Variants in MUC6 observed in about 807,000 individuals in gnomAD.
MUC6 encodes mucin-6.
In MUC6, 188 loss-of-function variants were observed where a neutral mutation model predicts 201.5. The observed-to-expected ratio is 0.93, with a 90% confidence interval of 0.83 to 1.05. The LOEUF is 1.05. Ranked by LOEUF, MUC6 falls within the 50% of genes least tolerant of loss-of-function variation. MUC6 has a pLI of 0.00. For missense variants in MUC6, 2,706 were observed against 3,256.9 expected (o/e 0.83, Z 4.12); for synonymous variants, 1,228 against 1,389.4 (o/e 0.88, Z 2.58).
At position 1,026,009 on chromosome 11, in the gene MUC6, GATGT is replaced by G. The variant is rs1564840880; in HGVS notation, c.2675_2678del (p.Tyr892SerfsTer19). On this transcript the variant is annotated frameshift_variant, in exon 21 of 33. Coordinates refer to ENST00000421673, the MANE Select transcript of MUC6 (RefSeq NM_005961.3). LOFTEE classifies it high-confidence loss of function. ...GGCACCCGATGGTTACCGTGGCCAG[GATGT>G]ACTCGCAGTTGCCGTCGAATACGAA... 6.3e-7 allele frequency: 1 copy of G among 1,587,854 alleles called. No homozygotes were observed. Among genetic ancestry groups the G allele is most frequent in the South Asian group, 1.1e-5 (1 of 87,512 alleles).
Position 1,028,007 on chromosome 11 carries a change from G to A in MUC6, c.1806C>T (p.Phe602=), listed in dbSNP as rs376314586. 6.3e-5 allele frequency: 100 copies of A among 1,587,220 alleles called. No individual in the cohort carries two copies. The African/African-American group carries it at 1.0e-3, about 17-fold the overall frequency. The change falls in exon 15 of 33, where the codon TTC becomes TTT. Residue 602 remains phenylalanine, a synonymous_variant. Coordinates refer to ENST00000421673, the MANE Select transcript of MUC6 (RefSeq NM_005961.3). ...CSMLLRTGTV[F]ERCHATVNPA... is the part of the protein sequence containing the mutation. ...GGTTCACTGTGGCGTGGCACCTCTC[G>A]AACACCGTGCCTGTCCTCAGCAGCA...
At chr11:1,030,124 G>A (rs1388856902) in intron 8 of MUC6, 89 bp downstream of exon 8, 3 of 1,421,178 alleles carry the variant, frequency 2.1e-6, no homozygotes, top group Non-Finnish European at 1.9e-6. Context: ...GGGGTGACCT[G>A]GGTCGGGGTG....
chr11:1,036,474 G>A (rs765439510), intron 1 of MUC6, 130 bp downstream of exon 1: 18 of 1,090,880 alleles, frequency 1.7e-5, no homozygotes, highest in Admixed American at 2.5e-5. Flanking sequence ...ACGGAGCCGA[G>A]CTGGGGCCTC....
At chr11:1,021,590 C>G (rs1856809296) in intron 26 of MUC6, among the ~76,000 whole-genome samples, 1 of 152,060 alleles carries the variant, frequency 6.6e-6, no homozygotes, top group Non-Finnish European at 1.5e-5. Flanking sequence ...AGGCTGGTCT[C>G]AAACTCTTGA....
rs1245400764 is a variant in MUC6 at position 1,021,065 on chromosome 11, A to G, written c.3589+150T>C. The G allele has an allele frequency of 1.1e-5, 9 of 816,906 alleles. No individual in the cohort carries two copies. The African/African-American group carries it at 1.6e-4, about 14-fold the overall frequency. 50.6% of individuals were successfully genotyped at this position (816,906 alleles called of 1,614,324 possible). ...GGCTGCCTGAGTCTCTGGAGACCCA[A>G]GGGGCCAGGGTCCTGGAGAGTGGAG... On this transcript the variant is annotated intron_variant, in intron 27 of 32. Coordinates refer to ENST00000421673, the MANE Select transcript of MUC6 (RefSeq NM_005961.3).
chr11:1,030,933 G>T lies in MUC6; in HGVS notation c.684+14C>A. Reference sequence around the variant, plus strand: ...AGACCTGGGGTCAGCCCCACCTGGAGCCCCCTTGCTTACGTGCTGGGCCTG... The same window carrying T: ...AGACCTGGGGTCAGCCCCACCTGGATCCCCCTTGCTTACGTGCTGGGCCTG... On this transcript the variant is annotated intron_variant, in intron 6 of 32. Coordinates refer to ENST00000421673, the MANE Select transcript of MUC6 (RefSeq NM_005961.3). 1 of 1,557,504 alleles carries T rather than the reference G, an allele frequency of 6.4e-7. No homozygotes were observed. Among genetic ancestry groups the T allele is most frequent in the Non-Finnish European group, 8.7e-7 (1 of 1,151,260 alleles).
At chr11:1,032,945 GC>G in intron 2 of MUC6, 67 bp downstream of exon 2, 1 of 1,436,084 alleles carries the variant, frequency 7.0e-7, no homozygotes, top group Non-Finnish European at 9.4e-7. Flanking sequence ...TGGGCTCCGG[GC>G]CCCTCTCTCC....
In MUC6 at chr11:1,018,571, AGG is replaced by A. The variant is rs747636721; in HGVS notation, c.4228_4229del (p.Pro1410TyrfsTer30). On this transcript the variant is annotated frameshift_variant, in exon 31 of 33. Coordinates refer to ENST00000421673, the MANE Select transcript of MUC6 (RefSeq NM_005961.3). LOFTEE classifies it high-confidence loss of function. Reference sequence around the variant, plus strand: ...TGGAAGGGACGGGACTCCCCGCCGTAGGCGGGGAGTGTGTGGTGTGTGGGGTT... The same window carrying A: ...TGGAAGGGACGGGACTCCCCGCCGTACGGGGAGTGTGTGGTGTGTGGGGTT... ...PQTPHTTHSP[P>X]TAGSPVPSTG... 17 of 1,611,382 alleles carry A rather than the reference AGG, an allele frequency of 1.1e-5. No individual in the cohort carries two copies. The highest frequency in any genetic ancestry group is 1.4e-5 in the Non-Finnish European group (17 of 1,178,780).
At chr11:1,020,585 C>G in intron 28 of MUC6, 99 bp downstream of exon 28, 1 of 1,511,876 alleles carries the variant, frequency 6.6e-7, no homozygotes, top group Non-Finnish European at 9.2e-7. Context: ...GTACTGCCTG[C>G]CCCCTCCCTG....
chr11:1,030,208 C>T lies in MUC6; in HGVS notation c.1015+5G>A. 2 of 1,550,844 alleles carry T rather than the reference C, an allele frequency of 1.3e-6. No homozygotes were observed. The highest frequency in any genetic ancestry group is 8.7e-7 in the Non-Finnish European group (1 of 1,148,574). On this transcript the variant is annotated splice_donor_5th_base_variant and intron_variant, in intron 8 of 32. Coordinates refer to ENST00000421673, the MANE Select transcript of MUC6 (RefSeq NM_005961.3). ...GGGAGAGAGAGTGCCTGCGACTGCC[C>T]TCACCTTCCGGGCAGAAGCACCCGA...
At chr11:1,026,820 G>T in intron 19 of MUC6, 121 bp downstream of exon 19, 2 of 1,093,920 alleles carry the variant, frequency 1.8e-6, no homozygotes, top group Non-Finnish European at 2.6e-6. Context: ...CCACCTCGTG[G>T]CCAGCCCCAG....
chr11:1,014,607 G>A (rs1856559425), intron 31 of MUC6, among the ~76,000 whole-genome samples: 1 of 152,186 alleles, frequency 6.6e-6, no homozygotes, highest in Admixed American at 6.5e-5. Context: ...ACCGATGCAG[G>A]CAGTGGCAGC....
At position 1,031,874 on chromosome 11, in the gene MUC6, C is replaced by T. The variant is rs199597560; in HGVS notation, c.295G>A (p.Val99Met). The part of the protein sequence containing the change: ...GPDGSISRII[V>M]ELGASVVTVS... ...GTGACGACGGAGGCCCCCAGCTCCA[C>T]GATGATCCGCGAGATGCTCCCGTCT... The change falls in exon 3 of 33, where the codon GTG (valine) becomes ATG (methionine). Residue 99 changes from valine to methionine, a missense_variant. Physicochemically the swap from Val to Met is conservative, Grantham distance 21. Around this residue, in one of 10 missense-constraint regions of MUC6, gnomAD observed 1,850 missense variants for 1,958.3 expected, o/e 0.94. Coordinates refer to ENST00000421673, the MANE Select transcript of MUC6 (RefSeq NM_005961.3). 1.3e-3 allele frequency: 2,097 copies of T among 1,612,790 alleles called. 1 individual carries two copies. The highest frequency in any genetic ancestry group is 1.7e-3 in the Non-Finnish European group (2,024 of 1,179,878).
At chr11:1,028,126 C>G in intron 14 of MUC6, 67 bp from the exon 15 acceptor site, 1 of 1,532,672 alleles carries the variant, frequency 6.5e-7, no homozygotes, top group South Asian at 1.2e-5. Flanking sequence ...CTCCCAGGGA[C>G]CCCCCACCCT....
chr11:1,035,974 G>A (rs1004478760), intron 1 of MUC6, among the ~76,000 whole-genome samples: 1 of 152,134 alleles, frequency 6.6e-6, no homozygotes, highest in African/African-American at 2.4e-5. Context: ...GCAGCCGCAG[G>A]GCAGGCGGTT....
In MUC6 at chr11:1,019,399, G is replaced by A; in HGVS notation, c.3906C>T (p.Thr1302=). 1 of 1,613,792 alleles carries A rather than the reference G, an allele frequency of 6.2e-7. No individual in the cohort carries two copies. Among genetic ancestry groups the A allele is most frequent in the Non-Finnish European group, 8.5e-7 (1 of 1,179,728 alleles). The change falls in exon 30 of 33, where the codon ACC becomes ACT. Residue 1302 remains threonine, a synonymous_variant. Transcript: ENST00000421673. Reference sequence around the variant, plus strand: ...ACGCCGTGGCCCTGGTTGTGGCCTGGGTCACTGTGGGTTTTGTGGCTGTCG... The same window carrying A: ...ACGCCGTGGCCCTGGTTGTGGCCTGAGTCACTGTGGGTTTTGTGGCTGTCG... ...LRSTATKPTV[T]QATTRATAST...
In MUC6 at chr11:1,026,984, G is replaced by GCTGCCCCAAACTTGTT; in HGVS notation, c.2335_2350dup (p.Ala784GlufsTer26). 6.2e-7 allele frequency: 1 copy of GCTGCCCCAAACTTGTT among 1,600,950 alleles called. No individual in the cohort carries two copies. The highest frequency in any genetic ancestry group is 8.5e-7 in the Non-Finnish European group (1 of 1,174,518). ...CAGCATCTGGCATGTGGGGGCACAG[G>GCTGCCCCAAACTTGTT]CTGCCCCAAACTTGTTCTCGGAGGA... On this transcript the variant is annotated frameshift_variant, in exon 19 of 33. Transcript: ENST00000421673. LOFTEE classifies it high-confidence loss of function.
At chr11:1,019,131 G>T in intron 30 of MUC6, 144 bp downstream of exon 30, 1 of 1,035,460 alleles carries the variant, frequency 9.7e-7, no homozygotes, top group Non-Finnish European at 1.4e-6. Flanking sequence ...CTTGCCTCCA[G>T]CTCCAGCCTA....
At chr11:1,014,440 G>C (rs1037888694) in intron 31 of MUC6, among the ~76,000 whole-genome samples, 13 of 152,196 alleles carry the variant, frequency 8.5e-5, no homozygotes, top group Non-Finnish European at 1.6e-4. Context: ...GGTGTTGCAG[G>C]AGCTCCGTGT....
Sources: allele counts gnomAD v4.1 joint callset (sites outside exome capture counted in the v4.1 genomes callset), GRCh38; gene constraint gnomAD v4.1.1; regional missense constraint gnomAD v4.1.1; transcripts MANE v1.5; gene names NCBI Gene and HGNC (gene_info 2026-07-23, HGNC 2026-07-21).